BRSK2: variants seen among roughly 807,000 people sequenced by gnomAD.
BRSK2 encodes the protein serine/threonine-protein kinase BRSK2.
A neutral mutation model predicts 83.3 loss-of-function variants in BRSK2; 19 were observed. The observed-to-expected ratio is 0.23, with a 90% CI of 0.16 to 0.33. The LOEUF is 0.33. BRSK2 is among the 10% of genes least tolerant of loss of function. BRSK2 has a pLI of 1.00. For synonymous variants in BRSK2, 519 were observed against 435.4 expected, an observed-to-expected ratio of 1.19 and a Z score of -2.39; for missense variants, 798 against 1,042.3, an observed-to-expected ratio of 0.77 and a Z score of 3.23.
rs958301147 is a variant in BRSK2 at position 1,427,413 on chromosome 11, G to A, written c.92-8627G>A. Among the ~76,000 whole-genome samples, 9 of 152,268 alleles carry A rather than the reference G, an allele frequency of 5.9e-5. 1 individual carries two copies. In the South Asian group the frequency reaches 1.2e-3, roughly 21 times the overall value. ...GGGGCTCCCTTTGACTCTCCTGGCCGGCTCAGGAGCACCTGGGGGCACCCG... is the reference window on the plus strand; with the variant it reads ...GGGGCTCCCTTTGACTCTCCTGGCCAGCTCAGGAGCACCTGGGGGCACCCG... On this transcript the variant is annotated intron_variant, in intron 1 of 19. Transcript: ENST00000528841.
At position 1,445,598 on chromosome 11, in the gene BRSK2, C is replaced by T. The variant is rs572818298; in HGVS notation, c.1005C>T (p.Phe335=). Residue 335 remains phenylalanine (F), a synonymous_variant, in exon 11 of 20, where the codon TTC becomes TTT. Transcript: ENST00000528841. The part of the protein sequence containing the change: ...EEENQEKMIY[F]LLLDRKERYP... ...AGAACCAGGAGAAGATGATTTACTT[C>T]CTCCTCCTGGACCGGAAAGAAAGGT... 5.5e-5 allele frequency: 86 copies of T among 1,573,308 alleles called. No homozygotes were observed. The African/African-American group carries it at 1.1e-3, about 19-fold the overall frequency.
chr11:1,409,847 GC>G (rs142369431), intron 1 of BRSK2: 99 of 152,290 alleles, frequency 6.5e-4, no homozygotes, highest in African/African-American at 2.3e-3. Flanking sequence ...AGAGGGAAGA[GC>G]CCTGCGTGCA....
Position 1,390,245 on chromosome 11 carries a change from C to A in BRSK2, c.-40C>A. On this transcript the variant is annotated 5_prime_UTR_variant, in exon 1 of 20. Transcript: ENST00000528841. The surrounding 1 kb of genome is among the most constrained non-coding windows in gnomAD (Gnocchi z 6.8). ...ACGCTGGGCGGCCCCTCCCTGCCCG[C>A]GCGCCCGGGCGCCCCTGGCCGGCGC... is the stretch of plus-strand genomic sequence containing the variant. 1 of 980,050 alleles carries A rather than the reference C, an allele frequency of 1.0e-6. No homozygotes were observed. Among genetic ancestry groups the A allele is most frequent in the Non-Finnish European group, 1.2e-6 (1 of 819,158 alleles). 60.7% of individuals were successfully genotyped at this position (980,050 alleles called of 1,614,324 possible).
rs1416784207 is a variant in BRSK2 at position 1,456,466 on chromosome 11, C to T, written c.1787C>T (p.Thr596Met). The change falls in exon 17 of 20, where the codon ACG becomes ATG. Residue 596 changes from threonine (T) to methionine (M), a missense_variant. Transcript: ENST00000528841. ...AAGTTCCAGGTTGATATCACCTACACGGAGGGTGGGGAGGCGCAGAAGGAG... is the reference window on the plus strand; with the variant it reads ...AAGTTCCAGGTTGATATCACCTACATGGAGGGTGGGGAGGCGCAGAAGGAG... ...PVKFQVDITY[T>M]EGGEAQKENG... 8 of 1,581,780 alleles carry T rather than the reference C, an allele frequency of 5.1e-6. No homozygotes were observed. The highest frequency in any genetic ancestry group is 2.7e-5 in the African/African-American group (2 of 74,098).
At chr11:1,456,866 G>A in intron 18 of BRSK2, 179 bp downstream of exon 18, 1 of 1,461,564 alleles carries the variant, frequency 6.8e-7, no homozygotes, top group South Asian at 1.2e-5. Context: ...CCCCTCCCTG[G>A]CCTGGCGGGA....
At chr11:1,459,695 C>T (rs563174283) in intron 19 of BRSK2, among the ~76,000 whole-genome samples, 1 of 152,302 alleles carries the variant, frequency 6.6e-6, no homozygotes, top group East Asian at 1.9e-4. Context: ...CACACCTGGG[C>T]AGTGAGCACA....
chr11:1,442,170 C>T (rs1170379001), intron 4 of BRSK2, among the ~76,000 whole-genome samples: 2 of 151,744 alleles, frequency 1.3e-5, no homozygotes, highest in Admixed American at 6.5e-5. Flanking sequence ...TTGCTTGCAT[C>T]CCTACGTGCC....
chr11:1,396,992 A>G (rs1846169950), intron 1 of BRSK2, among the ~76,000 whole-genome samples: 1 of 152,226 alleles, frequency 6.6e-6, no homozygotes, highest in Non-Finnish European at 1.5e-5. Context: ...GAAACACCGT[A>G]CCGCGCAGGA....
chr11:1,428,760 G>A (rs915854056), intron 1 of BRSK2, among the ~76,000 whole-genome samples: 2 of 152,252 alleles, frequency 1.3e-5, no homozygotes, highest in Non-Finnish European at 2.9e-5. Flanking sequence ...GATGGTATGT[G>A]CACGAGTGTG....
intron 1 of BRSK2, among the ~76,000 whole-genome samples, chr11:1,396,830 T>C (rs531274670): frequency 1.3e-5 from 2 of 152,226 alleles, no homozygotes; most frequent in Non-Finnish European, 2.9e-5. Flanking sequence ...ATGGTGGCAC[T>C]GTGGGGCATC....
intron 15 of BRSK2, among the ~76,000 whole-genome samples, chr11:1,452,584 T>C (rs1450996271): frequency 6.6e-6 from 1 of 151,934 alleles, no homozygotes; most frequent in Non-Finnish European, 1.5e-5. Flanking sequence ...CTCTCAAGGG[T>C]CCGGCACGGA....
At chr11:1,407,938 G>T (rs1294687910) in intron 1 of BRSK2, among the ~76,000 whole-genome samples, 2 of 152,176 alleles carry the variant, frequency 1.3e-5, no homozygotes, top group Non-Finnish European at 2.9e-5. Context: ...GGCCGCCTGG[G>T]TCTCCTGCCC....
intron 15 of BRSK2, among the ~76,000 whole-genome samples, 190 bp downstream of exon 15, chr11:1,451,609 C>T (rs941295316): frequency 6.6e-6 from 1 of 152,216 alleles, no homozygotes; most frequent in Admixed American, 6.5e-5. Flanking sequence ...GAAGGCCAGC[C>T]AGGGGAGGAG....
In BRSK2 at chr11:1,443,598, G is replaced by A. The variant is rs994102095; in HGVS notation, c.743G>A (p.Arg248Gln). The A allele has an allele frequency of 6.2e-6, 10 of 1,608,196 alleles. No homozygotes were observed. The highest frequency in any genetic ancestry group is 5.3e-5 in the African/African-American group (4 of 74,862). ...FIPPDCQSLL[R>Q]GMIEVDAARR... The stretch of plus-strand genomic sequence containing the variant: ...CCGCCCGACTGCCAGAGTCTGCTAC[G>A]GGGCATGATCGAGGTGGACGCCGCA... The change falls in exon 8 of 20, where the codon CGG becomes CAG. Residue 248 changes from arginine (R) to glutamine (Q), a missense_variant. Coordinates refer to ENST00000528841, the MANE Select transcript of BRSK2 (RefSeq NM_001256627.2).
chr11:1,459,507 G>A, intron 19 of BRSK2: 2 of 508,406 alleles, frequency 3.9e-6, no homozygotes, highest in Non-Finnish European at 7.2e-6. Context: ...GGCTCCCAAG[G>A]CCTGAAGCCA....
At chr11:1,457,753 C>A (rs371000573) in intron 18 of BRSK2, among the ~76,000 whole-genome samples, 4 of 152,154 alleles carry the variant, frequency 2.6e-5, no homozygotes, top group African/African-American at 9.7e-5. Flanking sequence ...CCCCACTGCC[C>A]CTCCCCATGA....
At chr11:1,444,862 T>C in intron 8 of BRSK2, 109 bp from the exon 9 acceptor site, 1 of 856,562 alleles carries the variant, frequency 1.2e-6, no homozygotes, top group Non-Finnish European at 1.9e-6. Context: ...GCCCTCACCC[T>C]CTCCTGCTCT....
At chr11:1,420,284 T>C (rs544249882) in intron 1 of BRSK2, among the ~76,000 whole-genome samples, 54 of 152,338 alleles carry the variant, frequency 3.5e-4, no homozygotes, top group Middle Eastern at 6.8e-3. Flanking sequence ...CAACTACCCT[T>C]CTTGTTGGCC....
Position 1,460,575 on chromosome 11 carries a change from C to G in BRSK2, c.2063C>G (p.Ala688Gly), listed in dbSNP as rs1442256514. 8 of 1,533,460 alleles carry G rather than the reference C, an allele frequency of 5.2e-6. No individual in the cohort carries two copies. Among genetic ancestry groups the G allele is most frequent in the Non-Finnish European group, 7.0e-6 (8 of 1,145,456 alleles). 95.0% of individuals were successfully genotyped at this position (1,533,460 alleles called of 1,614,324 possible). A position where few individuals can be genotyped will look rare whatever the true frequency, so the allele number is the denominator to read the frequency against. ...SDEKNGQAAQ[A>G]PSTPAKRSAH... ...GAGAAGAACGGGCAGGCGGCCCAGGCCCCCAGCACGCCCGCCAAGCGGAGT... is the reference window on the plus strand; with the variant it reads ...GAGAAGAACGGGCAGGCGGCCCAGGGCCCCAGCACGCCCGCCAAGCGGAGT... The change falls in exon 20 of 20, where the codon GCC becomes GGC. Residue 688 changes from alanine to glycine, a missense_variant. Ala to Gly is a moderately conservative substitution (Grantham distance 60). Around this residue, in one of 6 missense-constraint regions of BRSK2, gnomAD observed 455 missense variants for 455.2 expected, o/e 1.00. Transcript: ENST00000528841.
Sources: allele counts gnomAD v4.1 joint callset (sites outside exome capture counted in the v4.1 genomes callset), GRCh38; gene constraint gnomAD v4.1.1; regional missense constraint gnomAD v4.1.1; non-coding constraint Gnocchi (gnomAD v3.1); transcripts MANE v1.5; gene names NCBI Gene and HGNC (gene_info 2026-07-23, HGNC 2026-07-21).